The following NCALD variants were observed in gnomAD, a reference collection of about 807,000 sequenced individuals.
The protein encoded by NCALD is neurocalcin-delta.
In NCALD, 10 loss-of-function variants were observed where a neutral mutation model predicts 18.6. That is an observed-to-expected ratio of 0.54 (90% CI 0.33 to 0.91). The LOEUF is 0.91. Ranked by LOEUF, NCALD falls within the 40% of genes least tolerant of loss-of-function variation. The pLI, the probability that NCALD is intolerant of heterozygous loss-of-function variation, is 0.03. For synonymous variants in NCALD, 88 were observed against 87.4 expected (o/e 1.01, Z -0.04); for missense variants, 184 against 247.6 (o/e 0.74, Z 1.72).
chr8:101,844,683 A>C (rs1814792321), intron 4 of NCALD, among the ~76,000 whole-genome samples: 1 of 152,160 alleles, frequency 6.6e-6, no homozygotes, highest in Admixed American at 6.5e-5. Flanking sequence ...TTGCCTTCTT[A>C]AGCTCAAGAG....
intron 1 of NCALD, among the ~76,000 whole-genome samples, chr8:102,040,572 G>A (rs1008502423): frequency 1.3e-5 from 2 of 152,126 alleles, no homozygotes; most frequent in African/African-American, 4.8e-5. Flanking sequence ...CTGTAGCTGG[G>A]AAAGAACACC....
chr8:102,123,427 G>C (rs1826000429), intron 1 of NCALD, among the ~76,000 whole-genome samples: 1 of 141,916 alleles, frequency 7.0e-6, no homozygotes, highest in East Asian at 2.0e-4. Flanking sequence ...CTTTCTCCAT[G>C]CACAAAAGTT....
intron 4 of NCALD, among the ~76,000 whole-genome samples, chr8:101,881,865 A>G (rs1040114369): frequency 7.0e-6 from 1 of 142,280 alleles, no homozygotes; most frequent in African/African-American, 2.5e-5. Context: ...AACTGCAAAG[A>G]TACCATCCTG....
At chr8:102,024,568 C>T (rs1453666654) in intron 1 of NCALD, among the ~76,000 whole-genome samples, 1 of 152,162 alleles carries the variant, frequency 6.6e-6, no homozygotes, top group Non-Finnish European at 1.5e-5. Context: ...TTCCACTCAT[C>T]ACATAGCCAG....
At chr8:102,003,351 A>C (rs898712503) in intron 2 of NCALD, among the ~76,000 whole-genome samples, 2 of 152,262 alleles carry the variant, frequency 1.3e-5, no homozygotes, top group African/African-American at 4.8e-5. Flanking sequence ...ATCTCTGAAT[A>C]GTCCAATAAC....
At chr8:102,097,478 T>C (rs572964826) in intron 1 of NCALD, among the ~76,000 whole-genome samples, 1 of 152,346 alleles carries the variant, frequency 6.6e-6, no homozygotes, top group Admixed American at 6.5e-5. Flanking sequence ...TTGTGCTGTG[T>C]GGCTTGCTCT....
At chr8:101,899,758 A>G (rs1347748556) in intron 3 of NCALD, among the ~76,000 whole-genome samples, 1 of 151,894 alleles carries the variant, frequency 6.6e-6, no homozygotes, top group African/African-American at 2.4e-5. Context: ...ACCTTTATAT[A>G]TTACTGAACA....
At chr8:102,002,883 T>C (rs903602501) in intron 2 of NCALD, among the ~76,000 whole-genome samples, 1 of 150,776 alleles carries the variant, frequency 6.6e-6, no homozygotes, top group Non-Finnish European at 1.5e-5. Context: ...AAGCAGTGTG[T>C]AGAGGGAAAT....
At chr8:101,796,022 A>G (rs970188358) in intron 4 of NCALD, among the ~76,000 whole-genome samples, 1 of 152,148 alleles carries the variant, frequency 6.6e-6, no homozygotes, top group African/African-American at 2.4e-5. Flanking sequence ...TGACAGGGAG[A>G]CCAAAATTAT....
At position 102,030,003 on chromosome 8, in the gene NCALD, A is replaced by G. The variant is rs190126078; in HGVS notation, c.-209-9714T>C. Among the ~76,000 whole-genome samples the G allele has an allele frequency of 2.1e-3, 319 of 152,348 alleles. 2 individuals are homozygous for G. Among genetic ancestry groups the G allele is most frequent in the Non-Finnish European group, 3.8e-3 (261 of 68,034 alleles). On this transcript the variant is annotated intron_variant, in intron 1 of 6. Coordinates refer to the NCALD transcript ENST00000311028. ...CAGATACTTGTCTAGACAAGAGCAC[A>G]TGCCTCCTAAAAGAATAAGTTATTC... is the stretch of plus-strand genomic sequence containing the variant.
chr8:101,803,968 G>A (rs900678876), intron 4 of NCALD, among the ~76,000 whole-genome samples: 5 of 152,042 alleles, frequency 3.3e-5, no homozygotes, highest in Admixed American at 6.6e-5. Context: ...AGAGCCAACC[G>A]ATGTGGTAAA....
intron 1 of NCALD, among the ~76,000 whole-genome samples, chr8:101,781,180 CAA>C (rs1028820652): frequency 5.7e-5 from 3 of 52,988 alleles, no homozygotes; most frequent in African/African-American, 8.9e-5. Flanking sequence ...CTGAATATAC[CAA>C]AATATATATA....
chr8:101,749,243 T>C (rs1294221876), intron 1 of NCALD, among the ~76,000 whole-genome samples: 1 of 152,210 alleles, frequency 6.6e-6, no homozygotes, highest in Non-Finnish European at 1.5e-5. Flanking sequence ...CTATAATCAC[T>C]TCAATTGTTT....
chr8:101,892,799 G>A (rs1316766933), intron 3 of NCALD, among the ~76,000 whole-genome samples: 1 of 149,764 alleles, frequency 6.7e-6, no homozygotes, highest in South Asian at 2.1e-4. Flanking sequence ...GAAGCGAGAA[G>A]GGAAGTTTAG....
chr8:101,887,352 C>A (rs1377047251), intron 3 of NCALD: 1 of 152,174 alleles, frequency 6.6e-6, no homozygotes, highest in African/African-American at 2.4e-5. Flanking sequence ...AGGAAACACA[C>A]CTACAAGAAC....
At position 101,695,846 on chromosome 8, in the gene NCALD, A is replaced by C. The variant is rs76496697; in HGVS notation, c.379-2950T>G. Among the ~76,000 whole-genome samples, 375 of 152,264 alleles carry C rather than the reference A, an allele frequency of 2.5e-3. 7 individuals carry two copies. The East Asian group carries it at 0.028, about 11-fold the overall frequency. On this transcript the variant is annotated intron_variant, in intron 2 of 3. Coordinates refer to ENST00000220931, the MANE Select transcript of NCALD (RefSeq NM_032041.3). ...GTCTTGAATACAGTCAACTTCACTT[A>C]GTTTAAAGAATTTATTCAGGAATAA...
At chr8:102,064,126 G>T (rs1360445463) in intron 1 of NCALD, among the ~76,000 whole-genome samples, 1 of 152,124 alleles carries the variant, frequency 6.6e-6, no homozygotes, top group Admixed American at 6.5e-5. Context: ...ATGATTACAC[G>T]AACAAATGCA....
chr8:102,009,757 G>A (rs1459579802), intron 2 of NCALD, among the ~76,000 whole-genome samples: 2 of 152,290 alleles, frequency 1.3e-5, no homozygotes, highest in South Asian at 2.1e-4. Flanking sequence ...TGGAGAAATC[G>A]ATGAGCTTCT....
chr8:101,798,459 A>G (rs919581211), intron 4 of NCALD, among the ~76,000 whole-genome samples: 1 of 152,238 alleles, frequency 6.6e-6, no homozygotes, highest in Non-Finnish European at 1.5e-5. Context: ...AAACAGGTAC[A>G]GGACTTGTAT....
Sources: allele counts gnomAD v4.1 joint callset (sites outside exome capture counted in the v4.1 genomes callset), GRCh38; gene constraint gnomAD v4.1.1; transcripts MANE v1.5; gene names NCBI Gene and HGNC (gene_info 2026-07-23, HGNC 2026-07-21).